The following FMN2 variants were observed in gnomAD, a reference collection of about 807,000 sequenced individuals.
The protein encoded by FMN2 is formin 2.
Under a neutral mutation model 142.3 loss-of-function variants are expected in FMN2, and 51 were observed. The ratio of observed to expected loss-of-function variants is 0.36; its 90% CI spans 0.29 to 0.45. The LOEUF (loss-of-function observed/expected upper bound fraction) is 0.45. Among genes scored for constraint, FMN2 ranks in the 20% least tolerant of loss-of-function variants. The pLI is 1.00. For synonymous variants in FMN2, 882 were observed against 869.8 expected, an observed-to-expected ratio of 1.01 and a Z score of -0.25; for missense variants, 1,936 against 2,122.8, an observed-to-expected ratio of 0.91 and a Z score of 1.73.
chr1:240,460,406 A>C (rs1676409705), intron 16 of FMN2, among the ~76,000 whole-genome samples: 1 of 152,168 alleles, frequency 6.6e-6, no homozygotes, highest in African/African-American at 2.4e-5. Flanking sequence ...AGCCTGGGAA[A>C]CATGGTGAAA....
intron 16 of FMN2, among the ~76,000 whole-genome samples, chr1:240,445,577 T>G (rs1006559071): frequency 7.2e-5 from 11 of 152,148 alleles, no homozygotes; most frequent in African/African-American, 1.9e-4. Flanking sequence ...ATTAAGCACT[T>G]TCCAAGAAAG....
intron 1 of FMN2, among the ~76,000 whole-genome samples, chr1:240,111,554 G>A (rs1661807640): frequency 6.6e-6 from 1 of 152,104 alleles, no homozygotes. Context: ...TGGCACTGGT[G>A]GGAGTGTAAC....
In FMN2 at chr1:240,355,800, TTCTG is replaced by T. The variant is rs774504115; in HGVS notation, c.4766-12_4766-9del. 5 of 1,583,674 alleles carry T rather than the reference TTCTG, an allele frequency of 3.2e-6. No individual in the cohort carries two copies. Among genetic ancestry groups the T allele is most frequent in the Non-Finnish European group, 2.6e-6 (3 of 1,154,046 alleles). Reference sequence around the variant, plus strand: ...TAACAGTGTGACACTCTAAATAATGTTCTGTCTAATTTCAGCCTGTGAAGTTGAA... The same window carrying T: ...TAACAGTGTGACACTCTAAATAATGTTCTAATTTCAGCCTGTGAAGTTGAA... On this transcript the variant is annotated splice_polypyrimidine_tract_variant and intron_variant, in intron 13 of 17. Transcript: ENST00000319653.
At chr1:240,301,998 ATACATGT>A (rs1410521950) in intron 8 of FMN2, among the ~76,000 whole-genome samples, 1 of 152,068 alleles carries the variant, frequency 6.6e-6, no homozygotes, top group Non-Finnish European at 1.5e-5. Flanking sequence ...TACTAATGAC[ATACATGT>A]TACATCTTGA....
At chr1:240,311,361 T>A (rs2102987688) in intron 8 of FMN2, among the ~76,000 whole-genome samples, 1 of 152,192 alleles carries the variant, frequency 6.6e-6, no homozygotes, top group East Asian at 1.9e-4. Flanking sequence ...AATTGATTCA[T>A]GTTTTAAGCA....
chr1:240,326,370 G>A (rs553227136), intron 8 of FMN2, among the ~76,000 whole-genome samples: 27 of 152,306 alleles, frequency 1.8e-4, no homozygotes, highest in Non-Finnish European at 3.2e-4. Flanking sequence ...ATAAAGGACT[G>A]TGCAATTAGT....
chr1:240,300,479 T>A (rs999335173), intron 8 of FMN2, among the ~76,000 whole-genome samples: 2 of 152,190 alleles, frequency 1.3e-5, no homozygotes, highest in Non-Finnish European at 2.9e-5. Context: ...TGTTTTCTCT[T>A]TGTCTAAAAA....
At chr1:240,353,681 C>T (rs555956817) in intron 13 of FMN2, among the ~76,000 whole-genome samples, 4 of 152,240 alleles carry the variant, frequency 2.6e-5, no homozygotes, top group South Asian at 4.1e-4. Context: ...GTTCATTTTT[C>T]GCTGATGTAA....
intron 2 of FMN2, among the ~76,000 whole-genome samples, chr1:240,151,222 A>G (rs1663758308): frequency 6.6e-6 from 1 of 152,190 alleles, no homozygotes; most frequent in South Asian, 2.1e-4. Flanking sequence ...GATAATAATA[A>G]CTGTAGCCAT....
intron 15 of FMN2, among the ~76,000 whole-genome samples, chr1:240,407,562 GATTA>G (rs1400799811): frequency 6.6e-6 from 1 of 152,196 alleles, no homozygotes; most frequent in Non-Finnish European, 1.5e-5. Flanking sequence ...ATCTATAGGA[GATTA>G]ATTAATTCTT....
At chr1:240,261,184 G>A (rs957883802) in intron 7 of FMN2, among the ~76,000 whole-genome samples, 5 of 152,134 alleles carry the variant, frequency 3.3e-5, no homozygotes, top group Non-Finnish European at 7.4e-5. Flanking sequence ...GTCAGATAAT[G>A]TGATGCTTCC....
intron 1 of FMN2, among the ~76,000 whole-genome samples, chr1:240,101,687 C>T (rs948024481): frequency 2.0e-5 from 3 of 150,614 alleles, no homozygotes; most frequent in East Asian, 2.0e-4. Context: ...GGACCACAGG[C>T]GTGAGCCACT....
At chr1:240,398,136 C>A (rs1309790408) in intron 15 of FMN2, among the ~76,000 whole-genome samples, 1 of 151,940 alleles carries the variant, frequency 6.6e-6, no homozygotes. Flanking sequence ...GCTAGAATTA[C>A]AAGCGTGCAC....
intron 15 of FMN2, among the ~76,000 whole-genome samples, chr1:240,402,950 T>C (rs1203203342): frequency 1.3e-5 from 2 of 152,220 alleles, no homozygotes; most frequent in African/African-American, 4.8e-5. Flanking sequence ...TCAGGTGAAA[T>C]TGACTTTTGA....
chr1:240,277,918 A>G (rs1467382273), intron 7 of FMN2, among the ~76,000 whole-genome samples: 1 of 152,144 alleles, frequency 6.6e-6, no homozygotes, highest in Non-Finnish European at 1.5e-5. Flanking sequence ...AATAAACTTA[A>G]AAATATTGAG....
chr1:240,392,974 A>T (rs953931876), intron 15 of FMN2, among the ~76,000 whole-genome samples: 1 of 120,732 alleles, frequency 8.3e-6, no homozygotes, highest in Non-Finnish European at 1.7e-5. Context: ...GAGACTTGCA[A>T]TTATGGGTAA....
At chr1:240,357,221 G>A (rs933342755) in intron 14 of FMN2, among the ~76,000 whole-genome samples, 2 of 152,094 alleles carry the variant, frequency 1.3e-5, no homozygotes, top group African/African-American at 4.8e-5. Flanking sequence ...CTTAATCCTA[G>A]GAGGATTTAT....
At chr1:240,355,689 G>T (rs183416871) in intron 13 of FMN2, 127 bp from the exon 14 acceptor site, 28 of 527,988 alleles carry the variant, frequency 5.3e-5, no homozygotes, top group Admixed American at 2.4e-4. Context: ...TTTCCAAAAT[G>T]TGTGCAGAAC....
At chr1:240,471,280 A>T (rs1415359601) in intron 16 of FMN2, among the ~76,000 whole-genome samples, 1 of 152,146 alleles carries the variant, frequency 6.6e-6, no homozygotes, top group Non-Finnish European at 1.5e-5. Flanking sequence ...TCAAGTATTT[A>T]TTGCAAGTGA....
Sources: gnomAD v4.1 joint callset for allele counts (sites outside exome capture counted in the v4.1 genomes callset) on GRCh38, gnomAD v4.1.1 for gene constraint, MANE v1.5 for transcripts, NCBI Gene and HGNC (gene_info 2026-07-23, HGNC 2026-07-21) for gene names.